The following CYP4F22 variants were observed in gnomAD, a reference collection of about 807,000 sequenced individuals.
The protein encoded by CYP4F22 is ultra-long-chain fatty acid omega-hydroxylase.
CYP4F22 carries 37 observed loss-of-function variants against 60.4 expected under a neutral mutation model. The observed-to-expected ratio is 0.61, with a 90% confidence interval of 0.47 to 0.81. The LOEUF (loss-of-function observed/expected upper bound fraction) is 0.81, where lower values mean the gene tolerates loss of function less well. Ranked by LOEUF, CYP4F22 falls within the 30% of genes least tolerant of loss-of-function variation. CYP4F22 has a pLI of 0.00. For missense variants in CYP4F22, 655 were observed against 715.0 expected, an observed-to-expected ratio of 0.92 and a Z score of 0.96; for synonymous variants, 258 against 280.5, an observed-to-expected ratio of 0.92 and a Z score of 0.80.
chr19:15,540,430 G>A lies in CYP4F22; in HGVS notation c.672-20G>A. 1 of 1,614,042 alleles carries A rather than the reference G, an allele frequency of 6.2e-7. No individual in the cohort carries two copies. The highest frequency in any genetic ancestry group is 8.5e-7 in the Non-Finnish European group (1 of 1,180,004). ...GCTAGGGGAAGGGGCTACACTCATG[G>A]ATCCCCTTCTCCTTGGCAGGAAGAT... On this transcript the variant is annotated intron_variant, in intron 7 of 13. Coordinates refer to ENST00000269703, the MANE Select transcript of CYP4F22 (RefSeq NM_173483.4).
chr19:15,548,318 C>A (rs1971557083), intron 11 of CYP4F22, 77 bp downstream of exon 11: 1 of 1,587,800 alleles, frequency 6.3e-7, no homozygotes, highest in Non-Finnish European at 8.6e-7. Flanking sequence ...AGGGGCCTGG[C>A]TATGCCTGCC....
chr19:15,525,279 C>A, intron 2 of CYP4F22, 57 bp from the exon 3 acceptor site: 1 of 1,547,018 alleles, frequency 6.5e-7, no homozygotes, highest in South Asian at 1.1e-5. Flanking sequence ...CCATGCATTA[C>A]CCCATGGGTC....
intron 1 of CYP4F22, among the ~76,000 whole-genome samples, chr19:15,508,860 C>G (rs990874561): frequency 1.3e-5 from 2 of 151,506 alleles, no homozygotes; most frequent in African/African-American, 4.9e-5. Flanking sequence ...CCTCGGAGTC[C>G]TAGGCGCATC....
chr19:15,549,268 C>A, intron 12 of CYP4F22, 66 bp downstream of exon 12: 1 of 1,558,280 alleles, frequency 6.4e-7, no homozygotes, highest in Non-Finnish European at 8.8e-7. Context: ...AGGGAGCCAG[C>A]GAGCAGGGCT....
intron 2 of CYP4F22, 87 bp from the exon 3 acceptor site, chr19:15,525,249 C>A (rs969383529): frequency 2.0e-5 from 27 of 1,327,780 alleles, no homozygotes; most frequent in Non-Finnish European, 2.8e-5. Context: ...GTGCTGGGAA[C>A]CTTCTGTGCA....
chr19:15,525,934 G>C (rs1971278146), intron 3 of CYP4F22, among the ~76,000 whole-genome samples: 1 of 151,878 alleles, frequency 6.6e-6, no homozygotes, highest in Non-Finnish European at 1.5e-5. Flanking sequence ...GGCTGAGGTA[G>C]GAGGATTACT....
intron 1 of CYP4F22, among the ~76,000 whole-genome samples, chr19:15,522,308 A>G (rs1251655981): frequency 1.3e-5 from 2 of 152,152 alleles, no homozygotes; most frequent in East Asian, 3.9e-4. Flanking sequence ...CATAATATCC[A>G]TCCCAATTGG....
At chr19:15,530,345 C>T (rs113016121) in intron 4 of CYP4F22, among the ~76,000 whole-genome samples, 3 of 152,292 alleles carry the variant, frequency 2.0e-5, no homozygotes, top group African/African-American at 7.2e-5. Flanking sequence ...GTCTGCTTGG[C>T]AAGCTCTTGC....
intron 12 of CYP4F22, among the ~76,000 whole-genome samples, chr19:15,549,488 A>G (rs1266020336): frequency 6.6e-6 from 1 of 152,148 alleles, no homozygotes; most frequent in Non-Finnish European, 1.5e-5. Flanking sequence ...AAGCAAATAA[A>G]TAAGATTTTG....
At chr19:15,519,507 C>G (rs1022331022) in intron 1 of CYP4F22, among the ~76,000 whole-genome samples, 1 of 152,158 alleles carries the variant, frequency 6.6e-6, no homozygotes, top group East Asian at 1.9e-4. Context: ...AAGTGATCCA[C>G]CCGCCTTGGC....
intron 8 of CYP4F22, among the ~76,000 whole-genome samples, chr19:15,541,169 G>A (rs1025778540): frequency 2.6e-5 from 4 of 152,218 alleles, no homozygotes; most frequent in East Asian, 1.9e-4. Context: ...GACTTACTGC[G>A]TGAGTTTTCT....
intron 1 of CYP4F22, chr19:15,516,640 C>T: frequency 2.7e-6 from 1 of 364,864 alleles, no homozygotes; most frequent in South Asian, 3.2e-5. Flanking sequence ...TCTGAATAAA[C>T]ATTTTACTTA....
At chr19:15,521,965 T>C (rs1274633556) in intron 1 of CYP4F22, among the ~76,000 whole-genome samples, 2 of 151,902 alleles carry the variant, frequency 1.3e-5, no homozygotes, top group African/African-American at 4.8e-5. Flanking sequence ...GCCAGCATGG[T>C]GAAACTCTGT....
intron 5 of CYP4F22, 30 bp downstream of exon 5, chr19:15,537,444 G>A: frequency 6.2e-7 from 1 of 1,614,212 alleles, no homozygotes. Context: ...GCTGGGGCTG[G>A]GGCTTTAGAG....
chr19:15,508,944 G>C (rs913726472), intron 1 of CYP4F22, among the ~76,000 whole-genome samples: 5 of 152,108 alleles, frequency 3.3e-5, no homozygotes, highest in Admixed American at 2.6e-4. Context: ...TCCCAGATGG[G>C]TTCAAGCCCC....
At chr19:15,509,252 G>C (rs147681696) in intron 1 of CYP4F22, among the ~76,000 whole-genome samples, 32 of 152,260 alleles carry the variant, frequency 2.1e-4, no homozygotes, top group African/African-American at 7.5e-4. Context: ...CCAGGGGCCT[G>C]GCCCAGCCTG....
intron 1 of CYP4F22, among the ~76,000 whole-genome samples, 184 bp downstream of exon 1, chr19:15,508,767 T>TC (rs1971049312): frequency 2.0e-5 from 3 of 151,254 alleles, no homozygotes; most frequent in Non-Finnish European, 4.4e-5. Context: ...CCCGGGGCAC[T>TC]CGTGGGGAGA....
intron 12 of CYP4F22, among the ~76,000 whole-genome samples, chr19:15,550,024 G>A (rs1971576637): frequency 6.6e-6 from 1 of 152,112 alleles, no homozygotes. Context: ...TACCTCCTGG[G>A]TTCAAGAGAT....
rs1971414417 is a variant in CYP4F22, at chr19:15,537,734, G to A, written c.549+72G>A. The A allele has an allele frequency of 1.2e-6, 2 of 1,607,188 alleles. 1 individual carries two copies. The highest frequency in any genetic ancestry group is 2.2e-5 in the South Asian group (2 of 91,050). ...TGGTCCAGGCTCCAACTCATGCATG[G>A]GCAAGCCATGTGATGTCAGGAGCCC... On this transcript the variant is annotated intron_variant, in intron 6 of 13. Transcript: ENST00000269703.
Sources: gnomAD v4.1 joint callset for allele counts (sites outside exome capture counted in the v4.1 genomes callset) on GRCh38, gnomAD v4.1.1 for gene constraint, MANE v1.5 for transcripts, NCBI Gene and HGNC (gene_info 2026-07-23, HGNC 2026-07-21) for gene names.